Variants in SUCO observed in about 807,000 individuals in gnomAD.
SUCO encodes SUN domain containing ossification factor.
In SUCO, 57 loss-of-function variants were observed where a neutral mutation model predicts 148.1. The observed-to-expected ratio is 0.38, with a 90% CI of 0.31 to 0.48. The LOEUF (loss-of-function observed/expected upper bound fraction) is 0.48. SUCO is among the 20% of genes least tolerant of loss of function. The pLI is 0.96. For missense variants in SUCO, 1,331 were observed against 1,468.2 expected (o/e 0.91, Z 1.53); for synonymous variants, 470 against 502.7 (o/e 0.93, Z 0.87).
intron 9 of SUCO, among the ~76,000 whole-genome samples, chr1:172,572,696 T>A (rs1354258635): frequency 0.028 from 1,382 of 49,296 alleles, no homozygotes; most frequent in South Asian, 0.056. Context: ...GAATGATCAA[T>A]AAAAAAAAAA....
At chr1:172,579,891 A>G (rs1035467424) in intron 15 of SUCO, among the ~76,000 whole-genome samples, 2 of 152,168 alleles carry the variant, frequency 1.3e-5, no homozygotes, top group African/African-American at 2.4e-5. Flanking sequence ...TGAAAAATGT[A>G]AAATTAACTA....
chr1:172,608,980 C>T (rs192398390), intron 23 of SUCO, among the ~76,000 whole-genome samples, 178 bp downstream of exon 23: 47 of 152,036 alleles, frequency 3.1e-4, no homozygotes, highest in African/African-American at 1.1e-3. Flanking sequence ...ACCCACAGGC[C>T]ATATGGGCCA....
At chr1:172,542,924 A>G (rs1652590522) in intron 1 of SUCO, 1 of 985,316 alleles carries the variant, frequency 1.0e-6, no homozygotes, top group East Asian at 1.1e-4. Context: ...AACTTTTCAA[A>G]AGAGGGAAGT....
Position 172,545,917 on chromosome 1 carries a change from C to CTTCCT in SUCO, c.63-5571_63-5567dup, listed in dbSNP as rs762712987. Among the ~76,000 whole-genome samples, 1,023 of 151,902 alleles carry CTTCCT rather than the reference C, an allele frequency of 6.7e-3. 4 individuals are homozygous for CTTCCT. The highest frequency in any genetic ancestry group is 0.02 in the African/African-American group (847 of 41,382). On this transcript the variant is annotated intron_variant, in intron 1 of 23. Transcript: ENST00000263688. ...CTGTCCGTCCGTCCGTCCTTCCTTC[C>CTTCCT]TTCCTTTCCTTTCCTTTCCTTTCCT...
intron 10 of SUCO, chr1:172,574,976 T>A: frequency 1.2e-6 from 1 of 813,696 alleles, no homozygotes; most frequent in Non-Finnish European, 1.5e-6. Context: ...AAGTAAAGTG[T>A]ATTTTTTTAA....
chr1:172,544,274 C>CTT (rs1652706799), intron 1 of SUCO: 1 of 314,348 alleles, frequency 3.2e-6, no homozygotes. Context: ...TCTCATTCTT[C>CTT]TTTTTAAAGC....
chr1:172,566,134 C>T (rs1245388765), intron 6 of SUCO, among the ~76,000 whole-genome samples: 4 of 152,220 alleles, frequency 2.6e-5, no homozygotes, highest in Admixed American at 6.5e-5. Flanking sequence ...CTCGTCTGCT[C>T]AGCTGTGCTG....
At chr1:172,547,545 C>T (rs958703596) in intron 1 of SUCO, among the ~76,000 whole-genome samples, 3 of 152,130 alleles carry the variant, frequency 2.0e-5, no homozygotes, top group Admixed American at 6.5e-5. Flanking sequence ...TGAATCTGGT[C>T]ATCATGATAC....
rs143761287 is a variant in SUCO, at chr1:172,610,309, A to C, written c.*50A>C. 6.6e-6 allele frequency: 10 copies of C among 1,524,952 alleles called. No individual in the cohort carries two copies. In the Admixed American group the frequency reaches 2.2e-4, roughly 34 times the overall value. 94.5% of individuals were successfully genotyped at this position (1,524,952 alleles called of 1,614,324 possible). A position where few individuals can be genotyped will look rare whatever the true frequency, so the allele number is the denominator to read the frequency against. On this transcript the variant is annotated 3_prime_UTR_variant, in exon 24 of 24. Coordinates refer to ENST00000263688, the MANE Select transcript of SUCO (RefSeq NM_014283.5). ...AGACTTTTTTGTTGTTGTTCTTTGA[A>C]GAACAGTCTGTAGTATTTGAAGGGT...
Position 172,610,753 on chromosome 1 carries a change from A to ATTC in SUCO, c.*494_*495insTTC, listed in dbSNP as rs1658165295. On this transcript the variant is annotated 3_prime_UTR_variant, in exon 24 of 24. Transcript: ENST00000263688. The stretch of plus-strand genomic sequence containing the variant: ...AATGCTTTGAGGGGGTCTGTGCCTG[A>ATTC]AGCTCAGGAGTGTGGATCAGACAGT... The ATTC allele has an allele frequency of 6.5e-6, 1 of 153,058 alleles. No individual in the cohort carries two copies. Among genetic ancestry groups the ATTC allele is most frequent in the Non-Finnish European group, 1.5e-5 (1 of 68,400 alleles). 9.5% of individuals were successfully genotyped at this position (153,058 alleles called of 1,614,324 possible). A position where few individuals can be genotyped will look rare whatever the true frequency, so the allele number is the denominator to read the frequency against.
intron 6 of SUCO, among the ~76,000 whole-genome samples, chr1:172,564,170 A>G (rs73034016): frequency 4.7e-4 from 71 of 152,388 alleles, no homozygotes; most frequent in African/African-American, 1.6e-3. Context: ...GAGAACCTCT[A>G]CAAGAGCAGT....
intron 6 of SUCO, among the ~76,000 whole-genome samples, chr1:172,563,084 A>G (rs1654304907): frequency 6.6e-6 from 1 of 150,930 alleles, no homozygotes; most frequent in African/African-American, 2.5e-5. Context: ...AACCTAAGAA[A>G]CTGTGAGTCA....
chr1:172,533,269 G>T lies in SUCO; in HGVS notation c.-167G>T, dbSNP rs1296559473. On this transcript the variant is annotated 5_prime_UTR_variant, in exon 1 of 24. Coordinates refer to ENST00000263688, the MANE Select transcript of SUCO (RefSeq NM_014283.5). ...GCGCCTCTGTGGGGCCCTCAGAGAGGGCTGCCAGGACGCGAGCCACTGAGG... is the reference window on the plus strand; with the variant it reads ...GCGCCTCTGTGGGGCCCTCAGAGAGTGCTGCCAGGACGCGAGCCACTGAGG... The T allele has an allele frequency of 1.7e-5, 26 of 1,549,338 alleles. No individual in the cohort carries two copies. Among genetic ancestry groups the T allele is most frequent in the Non-Finnish European group, 2.3e-5 (26 of 1,146,930 alleles).
Position 172,533,377 on chromosome 1 carries a change from G to A in SUCO, c.-59G>A. The A allele has an allele frequency of 6.4e-7, 1 of 1,551,814 alleles. No homozygotes were observed. Among genetic ancestry groups the A allele is most frequent in the African/African-American group, 1.4e-5 (1 of 73,208 alleles). On this transcript the variant is annotated 5_prime_UTR_variant, in exon 1 of 24. Transcript: ENST00000263688. ...CTCCGGCTCCTCCATCTTGGCCTCGGCAGTGGCGGCTGCCGGGAGGATGTG... is the reference window on the plus strand; with the variant it reads ...CTCCGGCTCCTCCATCTTGGCCTCGACAGTGGCGGCTGCCGGGAGGATGTG...
At chr1:172,566,552 T>C (rs1329621326) in intron 6 of SUCO, among the ~76,000 whole-genome samples, 3 of 152,242 alleles carry the variant, frequency 2.0e-5, no homozygotes, top group African/African-American at 4.8e-5. Flanking sequence ...TTTTATTGAA[T>C]TGACTGTATA....
At position 172,591,057 on chromosome 1, in the gene SUCO, A is replaced by G; in HGVS notation, c.2899A>G (p.Ile967Val). Residue 967 changes from isoleucine to valine, a missense_variant, in exon 19 of 24, where the codon ATA (isoleucine) becomes GTA (valine). By Grantham distance (29) the Ile-to-Val change is conservative. Transcript: ENST00000263688. Reference sequence around the variant, plus strand: ...CGTGAAACTTCAGAATACTTCAAGAATAGCAGAGGAGCAGGTTGGTTTCTA... The same window carrying G: ...CGTGAAACTTCAGAATACTTCAAGAGTAGCAGAGGAGCAGGTTGGTTTCTA... ...TIVKLQNTSR[I>V]AEEQDQRQTE... 4 of 1,611,182 alleles carry G rather than the reference A, an allele frequency of 2.5e-6. No homozygotes were observed. The highest frequency in any genetic ancestry group is 3.4e-6 in the Non-Finnish European group (4 of 1,178,640).
chr1:172,533,040 G>C (rs1276229753), upstream of SUCO: 2 of 1,430,588 alleles, frequency 1.4e-6, no homozygotes, highest in Non-Finnish European at 1.8e-6. Flanking sequence ...CCAGCTCAGC[G>C]GTGTGTGAGG....
chr1:172,594,579 G>T (rs548066139), intron 19 of SUCO, among the ~76,000 whole-genome samples: 1 of 152,206 alleles, frequency 6.6e-6, no homozygotes, highest in South Asian at 2.1e-4. Flanking sequence ...TTTCCATGTA[G>T]TTGAGCAGTT....
chr1:172,570,342 T>C, intron 8 of SUCO, 171 bp downstream of exon 8: 1 of 499,248 alleles, frequency 2.0e-6, no homozygotes, highest in Non-Finnish European at 3.5e-6. Flanking sequence ...TTACTTATAT[T>C]GGCTGATGTA....
Sources: allele counts gnomAD v4.1 joint callset (sites outside exome capture counted in the v4.1 genomes callset), GRCh38; gene constraint gnomAD v4.1.1; transcripts MANE v1.5; gene names NCBI Gene and HGNC (gene_info 2026-07-23, HGNC 2026-07-21).